Variants in GPR158 observed in about 807,000 individuals in gnomAD.
GPR158 encodes metabotropic glycine receptor.
GPR158 carries 30 observed loss-of-function variants against 78.2 expected under a neutral mutation model. The ratio of observed to expected loss-of-function variants is 0.38; its 90% CI spans 0.29 to 0.52. The LOEUF (loss-of-function observed/expected upper bound fraction) is 0.52. GPR158 is among the 20% of genes least tolerant of loss of function. GPR158 has a pLI of 0.83. For synonymous variants in GPR158, 581 were observed against 591.1 expected (o/e 0.98, Z 0.25); for missense variants, 1,463 against 1,523.5 (o/e 0.96, Z 0.66).
intron 2 of GPR158, among the ~76,000 whole-genome samples, chr10:25,305,813 T>C (rs1588788211): frequency 6.6e-6 from 1 of 152,168 alleles, no homozygotes; most frequent in East Asian, 1.9e-4. Flanking sequence ...TCCTCACATG[T>C]TAATGTGCTA....
intron 5 of GPR158, among the ~76,000 whole-genome samples, chr10:25,548,063 T>G (rs1198126002): frequency 6.6e-6 from 1 of 152,176 alleles, no homozygotes; most frequent in African/African-American, 2.4e-5. Flanking sequence ...TCAATTAGGA[T>G]ACTAATGATT....
chr10:25,341,199 T>C (rs1246399391), intron 2 of GPR158, among the ~76,000 whole-genome samples: 1 of 151,988 alleles, frequency 6.6e-6, no homozygotes, highest in Non-Finnish European at 1.5e-5. Flanking sequence ...TTAATGGGTA[T>C]TCTTCAGGCA....
intron 2 of GPR158, among the ~76,000 whole-genome samples, chr10:25,256,042 T>C (rs1381315103): frequency 1.3e-5 from 2 of 152,192 alleles, no homozygotes; most frequent in African/African-American, 4.8e-5. Flanking sequence ...AATTGAAGTG[T>C]TGAGTTACAG....
chr10:25,598,027 A>G lies in GPR158; in HGVS notation c.2401A>G (p.Lys801Glu), dbSNP rs757583525. ...CCCAGAGTCTTCAGGGAACACAGGG[A>G]AATCCAAGGAGGAGACCCTGAAAAA... is the stretch of plus-strand genomic sequence containing the variant. ...NPPESSGNTG[K>E]SKEETLKNRV... The change falls in exon 11 of 11, where the codon AAA (lysine) becomes GAA (glutamate). Residue 801 changes from lysine to glutamate, a missense_variant. Transcript: ENST00000376351. 6.2e-7 allele frequency: 1 copy of G among 1,614,098 alleles called. No homozygotes were observed. Among genetic ancestry groups the G allele is most frequent in the Non-Finnish European group, 8.5e-7 (1 of 1,180,008 alleles).
At chr10:25,281,181 C>A (rs2130753693) in intron 2 of GPR158, among the ~76,000 whole-genome samples, 1 of 149,692 alleles carries the variant, frequency 6.7e-6, no homozygotes, top group Non-Finnish European at 1.5e-5. Context: ...AAAAAAGAAT[C>A]TCTTCTCCAT....
chr10:25,572,710 G>T lies in GPR158; in HGVS notation c.1576G>T (p.Val526Phe), dbSNP rs764850547. The T allele has an allele frequency of 9.9e-6, 16 of 1,613,998 alleles. No individual in the cohort carries two copies. The East Asian group carries it at 3.1e-4, about 31-fold the overall frequency. Residue 526 changes from valine (V) to phenylalanine (F), a missense_variant, in exon 7 of 11, where the codon GTC becomes TTC. Val to Phe is a conservative substitution (Grantham distance 50, BLOSUM62 -1). Coordinates refer to ENST00000376351, the MANE Select transcript of GPR158 (RefSeq NM_020752.3). ...AATTCCATATATGACTGGCGGACGG[G>T]TCATGAGGATGCTGGCAGTAATACT... ...QRIPYMTGGR[V>F]MRMLAVILLV...
At chr10:25,455,207 T>C (rs1260121774) in intron 4 of GPR158, among the ~76,000 whole-genome samples, 2 of 152,284 alleles carry the variant, frequency 1.3e-5, no homozygotes, top group South Asian at 2.1e-4. Context: ...GGTGGAAATA[T>C]CTAATAAGCA....
chr10:25,447,501 T>C (rs1835153545), intron 4 of GPR158, among the ~76,000 whole-genome samples: 1 of 152,174 alleles, frequency 6.6e-6, no homozygotes, highest in Admixed American at 6.5e-5. Flanking sequence ...TAGTTTCTCG[T>C]TCCTTTCCTT....
chr10:25,405,299 C>T (rs1834497809), intron 3 of GPR158, among the ~76,000 whole-genome samples: 1 of 151,822 alleles, frequency 6.6e-6, no homozygotes, highest in Non-Finnish European at 1.5e-5. Context: ...TTAACCCACA[C>T]AAAGACATTT....
chr10:25,465,124 C>T (rs1378214450), intron 4 of GPR158, among the ~76,000 whole-genome samples: 1 of 152,014 alleles, frequency 6.6e-6, no homozygotes, highest in African/African-American at 2.4e-5. Flanking sequence ...ATTTTTTCTC[C>T]CTGGCTATCC....
intron 2 of GPR158, among the ~76,000 whole-genome samples, chr10:25,243,871 G>A (rs1182946892): frequency 6.6e-6 from 1 of 152,092 alleles, no homozygotes; most frequent in Non-Finnish European, 1.5e-5. Flanking sequence ...TCCTTTATGT[G>A]TCCTTTGTGT....
At chr10:25,369,036 G>A (rs1588829206) in intron 2 of GPR158, among the ~76,000 whole-genome samples, 1 of 151,230 alleles carries the variant, frequency 6.6e-6, no homozygotes, top group South Asian at 2.1e-4. Flanking sequence ...CTGAGACTTT[G>A]CTGAAGTTGC....
chr10:25,482,421 A>G (rs949703676), intron 5 of GPR158, among the ~76,000 whole-genome samples: 1 of 152,010 alleles, frequency 6.6e-6, no homozygotes, highest in African/African-American at 2.4e-5. Context: ...GGCCTTATGT[A>G]ATCCTCTCAC....
At chr10:25,215,046 T>C (rs926875013) in intron 1 of GPR158, among the ~76,000 whole-genome samples, 2 of 152,218 alleles carry the variant, frequency 1.3e-5, no homozygotes, top group Admixed American at 1.3e-4. Flanking sequence ...TTCTTCTAAA[T>C]TTTGTTAAAA....
intron 7 of GPR158, among the ~76,000 whole-genome samples, chr10:25,577,127 A>G (rs1305019977): frequency 6.6e-6 from 1 of 152,150 alleles, no homozygotes; most frequent in Admixed American, 6.5e-5. Flanking sequence ...TGCAGCATCA[A>G]TATTTAACCT....
intron 5 of GPR158, among the ~76,000 whole-genome samples, chr10:25,523,226 G>A (rs1386080910): frequency 1.3e-5 from 2 of 152,196 alleles, no homozygotes; most frequent in Non-Finnish European, 1.5e-5. Flanking sequence ...TGAACAAAAG[G>A]CTCCTGAAGT....
chr10:25,266,680 A>G (rs1410707891), intron 2 of GPR158, among the ~76,000 whole-genome samples: 5 of 152,154 alleles, frequency 3.3e-5, no homozygotes. Flanking sequence ...GTGCATAGCC[A>G]GGCAAATAAA....
chr10:25,276,102 T>C (rs1201693698), intron 2 of GPR158, among the ~76,000 whole-genome samples: 5 of 152,228 alleles, frequency 3.3e-5, no homozygotes, highest in African/African-American at 1.2e-4. Flanking sequence ...GTGCAAATTG[T>C]AGCTTTCAGA....
At chr10:25,183,524 G>A (rs1852638880) in intron 1 of GPR158, among the ~76,000 whole-genome samples, 1 of 152,052 alleles carries the variant, frequency 6.6e-6, no homozygotes, top group African/African-American at 2.4e-5. Context: ...CTATCTTTTT[G>A]TACAAGGTGG....
Sources: allele counts gnomAD v4.1 joint callset (sites outside exome capture counted in the v4.1 genomes callset), GRCh38; gene constraint gnomAD v4.1.1; transcripts MANE v1.5; gene names NCBI Gene and HGNC (gene_info 2026-07-23, HGNC 2026-07-21).